C10orf90: variants seen among roughly 807,000 people sequenced by gnomAD.
C10orf90 encodes the protein chromosome 10 open reading frame 90, also known as (E2-independent) E3 ubiquitin-conjugating enzyme FATS.
A neutral mutation model predicts 62.5 loss-of-function variants in C10orf90; 56 were observed. That is an observed-to-expected ratio of 0.90 (90% CI 0.72 to 1.12). C10orf90 has a LOEUF of 1.12. C10orf90 is among the 50% of genes most tolerant of loss of function. The pLI is 0.00. For missense variants in C10orf90, 970 were observed against 880.4 expected (o/e 1.10, Z -1.29); for synonymous variants, 386 against 340.4 (o/e 1.13, Z -1.47).
At chr10:126,438,965 T>C (rs1858117630) in intron 7 of C10orf90, among the ~76,000 whole-genome samples, 1 of 152,064 alleles carries the variant, frequency 6.6e-6, no homozygotes, top group African/African-American at 2.4e-5. Context: ...TATGTACCCA[T>C]GCCCCAGACC....
chr10:126,557,050 G>A (rs149337516), intron 2 of C10orf90, among the ~76,000 whole-genome samples: 67 of 148,248 alleles, frequency 4.5e-4, no homozygotes, highest in African/African-American at 1.6e-3. Context: ...AATTACTTTT[G>A]CACCAACCTA....
chr10:126,494,811 CA>C (rs1179653839), intron 4 of C10orf90, among the ~76,000 whole-genome samples: 3 of 152,224 alleles, frequency 2.0e-5, no homozygotes, highest in Non-Finnish European at 4.4e-5. Context: ...CTGGATTAGG[CA>C]AGAGTAGGCA....
intron 4 of C10orf90, chr10:126,469,798 A>C (rs1564814824): frequency 2.2e-6 from 1 of 447,782 alleles, no homozygotes; most frequent in South Asian, 1.6e-5. Flanking sequence ...TCTAACTGGA[A>C]ACCAGTTAAG....
chr10:126,526,257 T>C (rs974557837), intron 2 of C10orf90, among the ~76,000 whole-genome samples: 74 of 151,632 alleles, frequency 4.9e-4, no homozygotes, highest in African/African-American at 1.6e-3. Context: ...TTTTTTTTTT[T>C]TTTTTGAGAC....
intron 2 of C10orf90, among the ~76,000 whole-genome samples, chr10:126,575,856 A>G (rs1162449638): frequency 1.3e-5 from 2 of 152,072 alleles, no homozygotes; most frequent in African/African-American, 4.8e-5. Context: ...TGCTGGAAAA[A>G]CTGAGTCACT....
chr10:126,605,875 A>G (rs1591137623), intron 2 of C10orf90, among the ~76,000 whole-genome samples: 1 of 139,146 alleles, frequency 7.2e-6, no homozygotes, highest in South Asian at 2.3e-4. Flanking sequence ...AAAAATACAT[A>G]CATGCATACA....
At chr10:126,499,551 T>C (rs1009380013) in intron 4 of C10orf90, among the ~76,000 whole-genome samples, 1 of 152,214 alleles carries the variant, frequency 6.6e-6, no homozygotes, top group Non-Finnish European at 1.5e-5. Flanking sequence ...TGGTTTGTTA[T>C]CTGCCCTTGA....
chr10:126,586,539 G>C (rs983643400), intron 2 of C10orf90, among the ~76,000 whole-genome samples: 4 of 152,052 alleles, frequency 2.6e-5, no homozygotes, highest in Admixed American at 6.5e-5. Flanking sequence ...TTGCTGGCCC[G>C]GCACCTTCGA....
At chr10:126,497,369 A>G (rs960735109) in intron 4 of C10orf90, among the ~76,000 whole-genome samples, 4 of 152,150 alleles carry the variant, frequency 2.6e-5, no homozygotes, top group African/African-American at 4.8e-5. Flanking sequence ...AGTCAGAGCG[A>G]GACGGGATGG....
chr10:126,573,471 T>G (rs116553047), intron 2 of C10orf90, among the ~76,000 whole-genome samples: 5,274 of 152,256 alleles, frequency 0.035, 305 homozygotes, highest in African/African-American at 0.12. Flanking sequence ...TATGAAGGGT[T>G]GTCTCCTCCT....
intron 7 of C10orf90, among the ~76,000 whole-genome samples, chr10:126,445,187 G>A (rs947022890): frequency 6.6e-6 from 1 of 152,092 alleles, no homozygotes; most frequent in African/African-American, 2.4e-5. Context: ...TTAAACTAAA[G>A]AGCTTTTGCA....
chr10:126,438,157 G>A (rs1381574219), intron 7 of C10orf90, among the ~76,000 whole-genome samples: 4 of 152,164 alleles, frequency 2.6e-5, no homozygotes, highest in Non-Finnish European at 4.4e-5. Context: ...TTCCTGTGAG[G>A]CAAAGCTAGC....
intron 2 of C10orf90, among the ~76,000 whole-genome samples, chr10:126,645,392 A>G (rs1163758861): frequency 2.0e-5 from 3 of 148,670 alleles, no homozygotes; most frequent in Non-Finnish European, 4.5e-5. Context: ...ACATGGCAAG[A>G]TCCCCTCTCT....
intron 4 of C10orf90, among the ~76,000 whole-genome samples, chr10:126,503,501 G>A (rs966475271): frequency 6.6e-6 from 1 of 152,162 alleles, no homozygotes; most frequent in African/African-American, 2.4e-5. Context: ...AAGCTTTGCA[G>A]TCTAGCTTTT....
intron 2 of C10orf90, among the ~76,000 whole-genome samples, chr10:126,545,158 G>A (rs1010150588): frequency 2.6e-5 from 4 of 152,166 alleles, no homozygotes; most frequent in Non-Finnish European, 5.9e-5. Context: ...TCTCTGTTTC[G>A]TAATCATACC....
intron 7 of C10orf90, among the ~76,000 whole-genome samples, chr10:126,446,277 A>G (rs908546446): frequency 6.6e-6 from 1 of 152,170 alleles, no homozygotes; most frequent in Non-Finnish European, 1.5e-5. Flanking sequence ...CAGATACAGG[A>G]ACTCAAAGGT....
chr10:126,581,552 G>A lies in C10orf90; in HGVS notation c.313+65013C>T, dbSNP rs143575475. The stretch of plus-strand genomic sequence containing the variant: ...ATGTTTCCTCTCTTCTCCTTTCTTA[G>A]GGCACAGACCTTTGCCTTTCATCTT... On this transcript the variant is annotated intron_variant, in intron 2 of 9. Coordinates refer to ENST00000488181, the MANE Select transcript of C10orf90 (RefSeq NM_001350921.2). 3.3e-5 allele frequency among the ~76,000 whole-genome samples: 5 copies of A among 152,160 alleles called. No homozygotes were observed. In the East Asian group the frequency reaches 9.7e-4, roughly 29 times the overall value.
At chr10:126,606,089 C>T (rs1026298056) in intron 2 of C10orf90, among the ~76,000 whole-genome samples, 1 of 152,164 alleles carries the variant, frequency 6.6e-6, no homozygotes, top group African/African-American at 2.4e-5. Flanking sequence ...CAGTTTCATG[C>T]TACAGCATGA....
chr10:126,483,980 G>T (rs1453476427), intron 4 of C10orf90, among the ~76,000 whole-genome samples: 4 of 152,098 alleles, frequency 2.6e-5, no homozygotes, highest in Non-Finnish European at 5.9e-5. Context: ...ACCTTGCTCT[G>T]TAGGCTCAAC....
Sources: allele counts gnomAD v4.1 joint callset (sites outside exome capture counted in the v4.1 genomes callset), GRCh38; gene constraint gnomAD v4.1.1; transcripts MANE v1.5; gene names NCBI Gene and HGNC (gene_info 2026-07-23, HGNC 2026-07-21).